NRG3: variants seen among roughly 807,000 people sequenced by gnomAD.
The protein encoded by NRG3 is pro-neuregulin-3, membrane-bound isoform.
A neutral mutation model predicts 66.9 loss-of-function variants in NRG3; 31 were observed. The ratio of observed to expected loss-of-function variants is 0.46; its 90% confidence interval spans 0.35 to 0.63. The LOEUF (loss-of-function observed/expected upper bound fraction) is 0.63, where lower values mean the gene tolerates loss of function less well. Among genes scored for constraint, NRG3 ranks in the 20% least tolerant of loss-of-function variants. NRG3 has a pLI of 0.00. For synonymous variants in NRG3, 393 were observed against 359.4 expected (o/e 1.09, Z -1.06); for missense variants, 910 against 878.9 (o/e 1.04, Z -0.45).
intron 4 of NRG3, among the ~76,000 whole-genome samples, chr10:82,929,961 G>T (rs182856602): frequency 6.6e-6 from 1 of 151,856 alleles, no homozygotes; most frequent in Admixed American, 6.6e-5. Context: ...TTTAGTTCTC[G>T]CAGACCCCCC....
chr10:82,392,603 T>C (rs2086453725), intron 2 of NRG3, among the ~76,000 whole-genome samples: 1 of 152,146 alleles, frequency 6.6e-6, no homozygotes, highest in East Asian at 1.9e-4. Flanking sequence ...TTTCCTCAGG[T>C]CTATGTAATT....
chr10:82,425,239 A>G (rs1179923258), intron 2 of NRG3, among the ~76,000 whole-genome samples: 1 of 152,112 alleles, frequency 6.6e-6, no homozygotes, highest in Non-Finnish European at 1.5e-5. Context: ...GGGACTATAG[A>G]TATTATAACA....
chr10:82,166,680 T>G (rs960060452), intron 1 of NRG3: 1 of 510,120 alleles, frequency 2.0e-6, no homozygotes, highest in Non-Finnish European at 3.5e-6. Context: ...ATATATATAT[T>G]TACTAATTTA....
At chr10:81,999,756 A>G (rs114540136) in intron 1 of NRG3, among the ~76,000 whole-genome samples, 2,469 of 152,312 alleles carry the variant, frequency 0.016, 67 homozygotes, top group African/African-American at 0.056. Flanking sequence ...AATAGTTTTA[A>G]CAAATGAGAC....
At chr10:82,142,659 T>G (rs1034677265) in intron 1 of NRG3, among the ~76,000 whole-genome samples, 2 of 152,078 alleles carry the variant, frequency 1.3e-5, no homozygotes, top group Admixed American at 1.3e-4. Context: ...GATAGAAAAT[T>G]TTATGACAAC....
In NRG3 at chr10:81,931,207, A is replaced by G. The variant is rs148436702; in HGVS notation, c.823+55044A>G. Among the ~76,000 whole-genome samples the G allele has an allele frequency of 4.7e-3, 720 of 152,222 alleles. 7 individuals are homozygous for G. Among genetic ancestry groups the G allele is most frequent in the African/African-American group, 0.016 (664 of 41,542 alleles). On this transcript the variant is annotated intron_variant, in intron 1 of 8. Transcript: ENST00000372141. The stretch of plus-strand genomic sequence containing the variant: ...GGCTGGTTCAGAGCTTTAACTCTCT[A>G]ATTACATGTTAGGTCTTTCTGTTGA...
intron 1 of NRG3, among the ~76,000 whole-genome samples, chr10:81,899,397 T>A (rs1367058123): frequency 1.3e-5 from 2 of 152,250 alleles, no homozygotes; most frequent in African/African-American, 4.8e-5. Context: ...TTTATGCTGA[T>A]TGAAATGCTG....
intron 1 of NRG3, among the ~76,000 whole-genome samples, chr10:81,940,267 A>T (rs1267105917): frequency 6.6e-6 from 1 of 152,050 alleles, no homozygotes; most frequent in Non-Finnish European, 1.5e-5. Flanking sequence ...ACCTCTGTAT[A>T]TGTCTCTTGG....
At chr10:82,479,795 G>A (rs1245399287) in intron 2 of NRG3, among the ~76,000 whole-genome samples, 1 of 151,666 alleles carries the variant, frequency 6.6e-6, no homozygotes, top group Non-Finnish European at 1.5e-5. Context: ...GTAAAACTCC[G>A]TCTCTACTAA....
intron 3 of NRG3, among the ~76,000 whole-genome samples, chr10:82,773,653 G>T: frequency 6.6e-6 from 1 of 151,528 alleles, no homozygotes. Flanking sequence ...TTCCAATTTG[G>T]ATGCTTATTG....
chr10:82,797,764 T>C (rs1016537149), intron 3 of NRG3, among the ~76,000 whole-genome samples: 14 of 152,148 alleles, frequency 9.2e-5, no homozygotes, highest in Admixed American at 6.5e-5. Flanking sequence ...CTGATCTCAA[T>C]TGGTAGATCG....
intron 2 of NRG3, among the ~76,000 whole-genome samples, chr10:82,519,713 T>G (rs2132527675): frequency 6.6e-6 from 1 of 152,274 alleles, no homozygotes; most frequent in African/African-American, 2.4e-5. Flanking sequence ...TTTTAAATAA[T>G]TTTGTTATTA....
chr10:82,714,642 A>G (rs1222951546), intron 2 of NRG3, among the ~76,000 whole-genome samples: 1 of 152,262 alleles, frequency 6.6e-6, no homozygotes, highest in African/African-American at 2.4e-5. Flanking sequence ...TTCACACAAG[A>G]TAAGAAAATT....
intron 1 of NRG3, among the ~76,000 whole-genome samples, chr10:82,019,643 G>A (rs752452865): frequency 2.0e-5 from 3 of 152,134 alleles, no homozygotes; most frequent in Non-Finnish European, 2.9e-5. Flanking sequence ...AAGAGATTCA[G>A]CTTCTTCCTG....
chr10:82,907,061 C>T (rs182299740), intron 4 of NRG3, among the ~76,000 whole-genome samples: 1 of 152,212 alleles, frequency 6.6e-6, no homozygotes, highest in African/African-American at 2.4e-5. Context: ...GTTAGCAGTC[C>T]TATTATTCTC....
chr10:82,251,730 G>A (rs146603249), intron 1 of NRG3, among the ~76,000 whole-genome samples: 5 of 152,164 alleles, frequency 3.3e-5, no homozygotes, highest in African/African-American at 4.8e-5. Flanking sequence ...AGGGATCTTC[G>A]TTAAAAAGCA....
chr10:82,704,387 T>C (rs906570523), intron 2 of NRG3, among the ~76,000 whole-genome samples: 1 of 152,222 alleles, frequency 6.6e-6, no homozygotes, highest in Non-Finnish European at 1.5e-5. Flanking sequence ...TGAGGGACAG[T>C]TGGTAGTTAC....
intron 2 of NRG3, among the ~76,000 whole-genome samples, chr10:82,446,022 C>T (rs1013450035): frequency 2.6e-5 from 4 of 152,184 alleles, no homozygotes; most frequent in African/African-American, 9.7e-5. Flanking sequence ...AAGACCACAC[C>T]CTCACTTGTG....
At chr10:82,332,680 ATC>A (rs1564804901) in intron 1 of NRG3, among the ~76,000 whole-genome samples, 2 of 152,148 alleles carry the variant, frequency 1.3e-5, no homozygotes, top group African/African-American at 2.4e-5. Context: ...ATGTTGTCTC[ATC>A]TCTCTACTGG....
Sources: allele counts gnomAD v4.1 joint callset (sites outside exome capture counted in the v4.1 genomes callset), GRCh38; gene constraint gnomAD v4.1.1; transcripts MANE v1.5; gene names NCBI Gene and HGNC (gene_info 2026-07-23, HGNC 2026-07-21).